The following BICD1 variants were observed in gnomAD, a reference collection of about 807,000 sequenced individuals.
BICD1 encodes the protein BICD cargo adaptor 1.
BICD1 carries 35 observed loss-of-function variants against 92.5 expected under a neutral mutation model. The ratio of observed to expected loss-of-function variants is 0.38; its 90% confidence interval spans 0.29 to 0.50. The LOEUF (loss-of-function observed/expected upper bound fraction) is 0.50. Ranked by LOEUF, BICD1 falls within the 20% of genes least tolerant of loss-of-function variation. The probability of loss-of-function intolerance (pLI) is 0.93; values close to 1 mark genes in which losing one functional copy is unlikely to be tolerated. For synonymous variants in BICD1, 429 were observed against 465.1 expected (o/e 0.92, Z 1.00); for missense variants, 950 against 1,189.8 (o/e 0.80, Z 2.97).
chr12:32,185,466 A>T (rs1193302253), intron 1 of BICD1, among the ~76,000 whole-genome samples: 1 of 152,200 alleles, frequency 6.6e-6, no homozygotes, highest in Non-Finnish European at 1.5e-5. Context: ...ATTCCATGTC[A>T]CTGTCATTCT....
chr12:32,371,250 T>TA (rs1289261875), intron 9 of BICD1, among the ~76,000 whole-genome samples: 1 of 152,194 alleles, frequency 6.6e-6, no homozygotes, highest in Admixed American at 6.5e-5. Context: ...CCAATTCTAC[T>TA]ACTGTTCCCC....
In BICD1 at chr12:32,337,864, G is replaced by A. The variant is rs889940933; in HGVS notation, c.2570+48G>A. The A allele has an allele frequency of 1.3e-6, 2 of 1,575,474 alleles. No individual in the cohort carries two copies. Among genetic ancestry groups the A allele is most frequent in the African/African-American group, 1.3e-5 (1 of 74,120 alleles). Reference sequence around the variant, plus strand: ...AGTACGGTGCAGTGGCCAGATTTTAGTTAACTGCAAAAATAAATGTGCTCT... The same window carrying A: ...AGTACGGTGCAGTGGCCAGATTTTAATTAACTGCAAAAATAAATGTGCTCT... On this transcript the variant is annotated intron_variant, in intron 7 of 9. Coordinates refer to ENST00000652176, the MANE Select transcript of BICD1 (RefSeq NM_001714.4). This position sits in a 1 kb window ranked among gnomAD's most constrained non-coding sequence, Gnocchi z 4.7.
rs1406977861 is a variant in BICD1, at chr12:32,255,313, C to G, written c.427-38681C>G. Reference sequence around the variant, plus strand: ...TCCCAAAGGCCCTATCTCCAATTACCATCACATTGGGAACTGGGGCTTCAA... The same window carrying G: ...TCCCAAAGGCCCTATCTCCAATTACGATCACATTGGGAACTGGGGCTTCAA... On this transcript the variant is annotated intron_variant, in intron 2 of 9. Coordinates refer to ENST00000652176, the MANE Select transcript of BICD1 (RefSeq NM_001714.4). 3.3e-5 allele frequency among the ~76,000 whole-genome samples: 5 copies of G among 152,218 alleles called. No individual in the cohort carries two copies. The East Asian group carries it at 9.7e-4, about 30-fold the overall frequency.
intron 4 of BICD1, among the ~76,000 whole-genome samples, chr12:32,312,710 T>C (rs1057344510): frequency 5.3e-4 from 81 of 152,318 alleles, no homozygotes; most frequent in African/African-American, 1.9e-3. Context: ...TTTCACATAA[T>C]ACAGAAACAT....
At chr12:32,317,481 GT>G (rs1431892048) in intron 4 of BICD1, among the ~76,000 whole-genome samples, 1 of 152,146 alleles carries the variant, frequency 6.6e-6, no homozygotes, top group Non-Finnish European at 1.5e-5. Flanking sequence ...TTTTTCATGT[GT>G]TTTTTGGCTG....
chr12:32,306,435 G>A (rs150951504), intron 4 of BICD1, among the ~76,000 whole-genome samples: 26 of 151,600 alleles, frequency 1.7e-4, no homozygotes, highest in Non-Finnish European at 2.9e-4. Flanking sequence ...TAGTAGAGAC[G>A]GGGTTTCACC....
At chr12:32,231,446 GC>G (rs1333987992) in intron 2 of BICD1, among the ~76,000 whole-genome samples, 3 of 151,928 alleles carry the variant, frequency 2.0e-5, no homozygotes, top group Non-Finnish European at 4.4e-5. Context: ...ACAAGACCCT[GC>G]CCCCTACCCC....
intron 1 of BICD1, among the ~76,000 whole-genome samples, chr12:32,118,332 C>T (rs893033957): frequency 1.3e-5 from 2 of 151,922 alleles, no homozygotes; most frequent in African/African-American, 2.4e-5. Context: ...CCGCCCGCCT[C>T]GGCCTCCCAA....
chr12:32,318,855 A>C (rs1948575486), intron 4 of BICD1, among the ~76,000 whole-genome samples: 1 of 151,958 alleles, frequency 6.6e-6, no homozygotes, highest in Admixed American at 6.6e-5. Flanking sequence ...ACTCCATCTG[A>C]AAAAAAAATT....
chr12:32,317,239 G>C (rs1367761330), intron 4 of BICD1, among the ~76,000 whole-genome samples: 1 of 152,144 alleles, frequency 6.6e-6, no homozygotes, highest in Non-Finnish European at 1.5e-5. Flanking sequence ...GGATGGCTGG[G>C]TCAAATGGTA....
intron 2 of BICD1, among the ~76,000 whole-genome samples, chr12:32,220,706 A>G (rs951932057): frequency 3.8e-4 from 57 of 148,346 alleles, no homozygotes; most frequent in Admixed American, 1.8e-3. Flanking sequence ...GGGATCTAGA[A>G]CTAGAAATAC....
At chr12:32,165,003 C>T (rs1164545976) in intron 1 of BICD1, among the ~76,000 whole-genome samples, 1 of 152,212 alleles carries the variant, frequency 6.6e-6, no homozygotes, top group Non-Finnish European at 1.5e-5. Context: ...CACTGCTCTG[C>T]TTTGCTGAAG....
chr12:32,141,630 C>T (rs778156402), intron 1 of BICD1, among the ~76,000 whole-genome samples: 11 of 152,164 alleles, frequency 7.2e-5, no homozygotes, highest in Non-Finnish European at 1.3e-4. Context: ...CCCGCCACTA[C>T]GCCCAGCTAA....
intron 2 of BICD1, among the ~76,000 whole-genome samples, chr12:32,221,974 T>C (rs1321260042): frequency 6.6e-6 from 1 of 152,186 alleles, no homozygotes; most frequent in Non-Finnish European, 1.5e-5. Flanking sequence ...TACTAGAAGA[T>C]AGCCTAAAAT....
intron 1 of BICD1, among the ~76,000 whole-genome samples, chr12:32,137,659 G>GT (rs893247078): frequency 5.3e-5 from 8 of 151,994 alleles, no homozygotes; most frequent in Non-Finnish European, 1.0e-4. Flanking sequence ...ATACTTAGTC[G>GT]TATCAGTTTG....
At chr12:32,340,152 C>A (rs1319797616) in intron 8 of BICD1, 7 of 985,062 alleles carry the variant, frequency 7.1e-6, no homozygotes, top group Middle Eastern at 1.0e-3. Context: ...ATCTCTAATA[C>A]TTTCCTTATC....
intron 1 of BICD1, among the ~76,000 whole-genome samples, chr12:32,139,747 A>G (rs372254728): frequency 6.6e-6 from 1 of 152,060 alleles, no homozygotes; most frequent in East Asian, 1.9e-4. Flanking sequence ...TATTTTTAGT[A>G]AAGACGGGGT....
In BICD1 at chr12:32,107,310, C is replaced by T; in HGVS notation, c.-22C>T. The T allele has an allele frequency of 6.4e-7, 1 of 1,574,724 alleles. No homozygotes were observed. Among genetic ancestry groups the T allele is most frequent in the African/African-American group, 1.3e-5 (1 of 74,578 alleles). On this transcript the variant is annotated 5_prime_UTR_variant, in exon 1 of 10. Coordinates refer to ENST00000652176, the MANE Select transcript of BICD1 (RefSeq NM_001714.4). ...CATCTCCCCCACCCCGTAACCCCCT[C>T]CTGCCTCCATCCACCGGGGCTATGG...
intron 1 of BICD1, among the ~76,000 whole-genome samples, chr12:32,155,034 C>CT (rs5797458): frequency 4.0e-5 from 6 of 150,860 alleles, no homozygotes; most frequent in African/African-American, 1.2e-4. Context: ...TGAAGTGCTG[C>CT]TTTTTTTTTT....
Sources: gnomAD v4.1 joint callset for allele counts (sites outside exome capture counted in the v4.1 genomes callset) on GRCh38, gnomAD v4.1.1 for gene constraint, Gnocchi (gnomAD v3.1) non-coding constraint, MANE v1.5 for transcripts, NCBI Gene and HGNC (gene_info 2026-07-23, HGNC 2026-07-21) for gene names.